FN1: variants seen among roughly 807,000 people sequenced by gnomAD.
FN1 encodes fibronectin 1, also known as fibronectin.
Under a neutral mutation model 297.3 loss-of-function variants are expected in FN1, and 106 were observed. The observed-to-expected ratio is 0.36, with a 90% confidence interval of 0.30 to 0.42. The LOEUF (loss-of-function observed/expected upper bound fraction) is 0.42, where lower values mean the gene tolerates loss of function less well. Among genes scored for constraint, FN1 ranks in the 10% least tolerant of loss-of-function variants. The pLI, the probability that FN1 is intolerant of heterozygous loss-of-function variation, is 1.00. For synonymous variants in FN1, 1,149 were observed against 1,152.6 expected (o/e 1.00, Z 0.06); for missense variants, 2,690 against 3,124.9 (o/e 0.86, Z 3.32).
Position 215,434,734 on chromosome 2 carries a change from C to T in FN1, c.239G>A (p.Gly80Glu), listed in dbSNP as rs747321123. ...CTCGCAGTTAAAACCTCGGCTTCCTCCATAACAAGTACAAACCAACGCATT... is the reference window on the plus strand; with the variant it reads ...CTCGCAGTTAAAACCTCGGCTTCCTTCATAACAAGTACAAACCAACGCATT... ...LGNALVCTCY[G>E]GSRGFNCESK... The change falls in exon 2 of 46, where the codon GGA becomes GAA. Residue 80 changes from glycine (G) to glutamate (E), a missense_variant. Around this residue, in one of 3 missense-constraint regions of FN1, gnomAD observed 876 missense variants for 1,058.1 expected, o/e 0.83. Transcript: ENST00000354785. 2 of 1,614,198 alleles carry T rather than the reference C, an allele frequency of 1.2e-6. No homozygotes were observed. The highest frequency in any genetic ancestry group is 1.7e-6 in the Non-Finnish European group (2 of 1,180,014).
chr2:215,383,250 TG>T, intron 31 of FN1, 77 bp downstream of exon 31: 2 of 1,407,362 alleles, frequency 1.4e-6, no homozygotes, highest in Non-Finnish European at 2.0e-6. Flanking sequence ...TCAAGTGATC[TG>T]CCCGCATCAG....
Position 215,404,664 on chromosome 2 carries a change from A to C in FN1, c.2987-9T>G. The C allele has an allele frequency of 2.5e-6, 4 of 1,612,364 alleles. No homozygotes were observed. The highest frequency in any genetic ancestry group is 3.4e-6 in the Non-Finnish European group (4 of 1,178,410). On this transcript the variant is annotated splice_polypyrimidine_tract_variant and intron_variant, in intron 19 of 45. Transcript: ENST00000354785. ...AGTGGGAGCATCCAGTTCTAGGAAA[A>C]AAGATGAAACATGCCAAGAAATATT...
At position 215,409,179 on chromosome 2, in the gene FN1, C is replaced by T. The variant is rs572527446; in HGVS notation, c.2299+384G>A. Among the ~76,000 whole-genome samples the T allele has an allele frequency of 6.6e-5, 10 of 152,126 alleles. No individual in the cohort carries two copies. The East Asian group carries it at 1.2e-3, about 18-fold the overall frequency. On this transcript the variant is annotated intron_variant, in intron 15 of 45. Transcript: ENST00000354785. ...GCTTACGATGGCACACACTTCAGTG[C>T]GCCAATGAAGTTTTTTAAAGGCCCC...
chr2:215,428,284 C>T lies in FN1; in HGVS notation c.740G>A (p.Ser247Asn), dbSNP rs1390721232. Residue 247 changes from serine (S) to asparagine (N), a missense_variant, in exon 6 of 46, where the codon AGC becomes AAC. Physicochemically the swap from Ser to Asn is conservative, Grantham distance 46. Around this residue, in one of 3 missense-constraint regions of FN1, gnomAD observed 876 missense variants for 1,058.1 expected, o/e 0.83. Transcript: ENST00000354785. ...RTSYRIGDTWSKKDNRGNLLQ... is the reference protein window; with the variant it reads ...RTSYRIGDTWNKKDNRGNLLQ... ...CAGGTTTCCTCGATTATCCTTCTTGCTCCAGGTGTCTCCAATTCTATAGGA... is the reference window on the plus strand; with the variant it reads ...CAGGTTTCCTCGATTATCCTTCTTGTTCCAGGTGTCTCCAATTCTATAGGA... 1.2e-6 allele frequency: 2 copies of T among 1,614,060 alleles called. No individual in the cohort carries two copies. Among genetic ancestry groups the T allele is most frequent in the African/African-American group, 2.7e-5 (2 of 74,936 alleles).
At chr2:215,417,622 G>A (rs1174660298) in intron 12 of FN1, among the ~76,000 whole-genome samples, 3 of 152,138 alleles carry the variant, frequency 2.0e-5, no homozygotes, top group Non-Finnish European at 4.4e-5. Context: ...AAAGCCCTAC[G>A]TGCTAGGCCA....
Position 215,380,972 on chromosome 2 carries a change from G to C in FN1, c.5273C>G (p.Ser1758Trp), listed in dbSNP as rs1234204455. The C allele has an allele frequency of 2.5e-6, 4 of 1,614,216 alleles. No homozygotes were observed. The highest frequency in any genetic ancestry group is 4.5e-5 in the East Asian group (2 of 44,880). Residue 1758 changes from serine to tryptophan, a missense_variant, in exon 33 of 46, where the codon TCG becomes TGG. Around this residue, in one of 3 missense-constraint regions of FN1, gnomAD observed 1,743 missense variants for 1,945.2 expected, o/e 0.90. Transcript: ENST00000354785. ...GQVSRYRVTY[S>W]SPEDGIHELF... ...CTCATGGATTCCATCCTCAGGGCTC[G>C]AGTAGGTCACCCTGTACCTGGAAAC...
intron 32 of FN1, chr2:215,381,409 G>T: frequency 2.6e-6 from 1 of 379,618 alleles, no homozygotes. Context: ...CATAGACCTG[G>T]ATTTTCTATA....
intron 36 of FN1, 33 bp from the exon 37 acceptor site, chr2:215,375,751 T>G (rs1243880726): frequency 7.1e-7 from 1 of 1,410,400 alleles, no homozygotes; most frequent in South Asian, 1.2e-5. Context: ...TTTTAACAGT[T>G]CTTGCTTTTT....
Position 215,397,130 on chromosome 2 carries a change from A to G in FN1, c.3604+7T>C. ...TATACTTGCCCTCTGATCCATCCCA[A>G]ACTTACCTGGGGTGGTGCTCCTCTC... On this transcript the variant is annotated splice_region_variant and intron_variant, in intron 23 of 45. Transcript: ENST00000354785. 1 of 1,604,894 alleles carries G rather than the reference A, an allele frequency of 6.2e-7. No individual in the cohort carries two copies. The highest frequency in any genetic ancestry group is 8.5e-7 in the Non-Finnish European group (1 of 1,171,600).
Position 215,397,782 on chromosome 2 carries a change from C to T in FN1, c.3415G>A (p.Val1139Ile), listed in dbSNP as rs201181695. The change falls in exon 22 of 46, where the codon GTT becomes ATT. Residue 1139 changes from valine (V) to isoleucine (I), a missense_variant. Transcript: ENST00000354785. ...REVTSDSGSIVVSGLTPGVEY... is the reference protein window; with the variant it reads ...REVTSDSGSIIVSGLTPGVEY... The stretch of plus-strand genomic sequence containing the variant: ...ACTCCTGGAGTCAAGCCGGACACAA[C>T]GATGCTTCCTGAGTCTGAAGTCACT... 68 of 1,614,144 alleles carry T rather than the reference C, an allele frequency of 4.2e-5. No individual in the cohort carries two copies. The highest frequency in any genetic ancestry group is 1.8e-4 in the East Asian group (8 of 44,884).
chr2:215,430,742 T>C lies in FN1; in HGVS notation c.658A>G (p.Ser220Gly). The C allele has an allele frequency of 1.2e-6, 2 of 1,614,174 alleles. No individual in the cohort carries two copies. Among genetic ancestry groups the C allele is most frequent in the East Asian group, 2.2e-5 (1 of 44,868 alleles). The change falls in exon 5 of 46, where the codon AGC (serine) becomes GGC (glycine). Residue 220 changes from serine (S) to glycine (G), a missense_variant. Transcript: ENST00000354785. The stretch of plus-strand genomic sequence containing the variant: ...CTAGAAGTGCAAGTGATGCGTCCGC[T>C]GCCTTCTCCCAGGCAAGTACAATCT... Reference protein sequence around the residue: ...MVDCTCLGEGSGRITCTSRNR... With the variant: ...MVDCTCLGEGGGRITCTSRNR...
In FN1 at chr2:215,380,780, T is replaced by C. The variant is rs375103075; in HGVS notation, c.5434+31A>G. ...GTAGGGCATAAAGCCGCTGCTCCCATGGGCACCTGGTGGTGCAATTAACCA... is the reference window on the plus strand; with the variant it reads ...GTAGGGCATAAAGCCGCTGCTCCCACGGGCACCTGGTGGTGCAATTAACCA... On this transcript the variant is annotated intron_variant, in intron 33 of 45. Transcript: ENST00000354785. The C allele has an allele frequency of 3.4e-5, 54 of 1,610,878 alleles. No individual in the cohort carries two copies. In the African/African-American group the frequency reaches 6.7e-4, roughly 20 times the overall value.
chr2:215,431,074 A>T (rs184005080), intron 4 of FN1, among the ~76,000 whole-genome samples: 6 of 152,288 alleles, frequency 3.9e-5, no homozygotes, highest in Admixed American at 2.6e-4. Context: ...CCATTCTCCT[A>T]ATAAGTACAT....
chr2:215,378,054 C>T (rs2057632268), intron 35 of FN1, 121 bp downstream of exon 35: 9 of 736,134 alleles, frequency 1.2e-5, no homozygotes, highest in Admixed American at 9.4e-5. Context: ...GTGACGCTCC[C>T]GCCTCAGCTT....
At chr2:215,407,447 C>A (rs1055958581) in intron 17 of FN1, 126 bp from the exon 18 acceptor site, 15 of 779,478 alleles carry the variant, frequency 1.9e-5, no homozygotes, top group Non-Finnish European at 2.7e-5. Context: ...GCCAGTGATA[C>A]TTTTTGACTC....
rs199941833 is a variant in FN1 at position 215,379,270 on chromosome 2, T to C, written c.5482A>G (p.Ser1828Gly). 5.4e-5 allele frequency: 87 copies of C among 1,614,090 alleles called. No individual in the cohort carries two copies. Among genetic ancestry groups the C allele is most frequent in the Non-Finnish European group, 6.8e-5 (80 of 1,179,996 alleles). Residue 1828 changes from serine to glycine, a missense_variant, in exon 34 of 46, where the codon AGC becomes GGC. Ser to Gly is a moderately conservative substitution (Grantham distance 56, BLOSUM62 0). Coordinates refer to ENST00000354785, the MANE Select transcript of FN1 (RefSeq NM_212482.4). ...GGTGGTGTCCACTGGGCGCTCAGGC[T>C]TGTGGGTGTGACCTGAGTGAACTTC... is the stretch of plus-strand genomic sequence containing the variant. ...DLKFTQVTPTSLSAQWTPPNV... is the reference protein window; with the variant it reads ...DLKFTQVTPTGLSAQWTPPNV...
intron 12 of FN1, 59 bp from the exon 13 acceptor site, chr2:215,415,017 C>A (rs960460328): frequency 2.3e-6 from 3 of 1,333,192 alleles, no homozygotes; most frequent in Non-Finnish European, 3.2e-6. Flanking sequence ...CAACTTAAAA[C>A]TGTGTACATG....
chr2:215,408,596 C>G (rs894470854), intron 15 of FN1, among the ~76,000 whole-genome samples, 170 bp from the exon 16 acceptor site: 1 of 152,174 alleles, frequency 6.6e-6, no homozygotes, highest in Non-Finnish European at 1.5e-5. Context: ...TACACAGAGT[C>G]TTGCTGTGTT....
intron 23 of FN1, among the ~76,000 whole-genome samples, chr2:215,396,472 G>A (rs2060324672): frequency 6.6e-6 from 1 of 151,988 alleles, no homozygotes; most frequent in Non-Finnish European, 1.5e-5. Context: ...TTCATTTAAA[G>A]CTCTAAAAAT....
Sources: gnomAD v4.1 joint callset for allele counts (sites outside exome capture counted in the v4.1 genomes callset) on GRCh38, gnomAD v4.1.1 for gene constraint, gnomAD v4.1.1 regional missense constraint, MANE v1.5 for transcripts, NCBI Gene and HGNC (gene_info 2026-07-23, HGNC 2026-07-21) for gene names.